TRIP12: variants seen among roughly 807,000 people sequenced by gnomAD.
The protein encoded by TRIP12 is thyroid hormone receptor interactor 12.
Under a neutral mutation model 244.2 loss-of-function variants are expected in TRIP12, and 25 were observed. That is an observed-to-expected ratio of 0.10 (90% confidence interval 0.07 to 0.14). The LOEUF (loss-of-function observed/expected upper bound fraction) is 0.14. Ranked by LOEUF, TRIP12 falls within the 10% of genes least tolerant of loss-of-function variation. TRIP12 has a pLI of 1.00. For synonymous variants in TRIP12, 905 were observed against 873.1 expected (o/e 1.04, Z -0.64); for missense variants, 1,677 against 2,486.4 (o/e 0.67, Z 6.92).
chr2:229,773,332 C>A (rs2035131555), intron 38 of TRIP12, among the ~76,000 whole-genome samples: 1 of 151,998 alleles, frequency 6.6e-6, no homozygotes, highest in Non-Finnish European at 1.5e-5. Context: ...CCACGGCCAA[C>A]CAAAGTGCTG....
chr2:229,841,360 TGA>T (rs2056388007), intron 4 of TRIP12, among the ~76,000 whole-genome samples: 2 of 152,312 alleles, frequency 1.3e-5, no homozygotes, highest in African/African-American at 2.4e-5. Flanking sequence ...CAATAAGGTA[TGA>T]GAGAATAAAA....
intron 33 of TRIP12, among the ~76,000 whole-genome samples, chr2:229,786,632 T>C (rs2040144452): frequency 7.1e-6 from 1 of 141,518 alleles, no homozygotes; most frequent in Non-Finnish European, 1.5e-5. Context: ...TTGGCCAGGA[T>C]GGTCTCGATC....
chr2:229,821,241 C>A (rs1301352973), intron 8 of TRIP12, among the ~76,000 whole-genome samples: 1 of 152,132 alleles, frequency 6.6e-6, no homozygotes, highest in Non-Finnish European at 1.5e-5. Context: ...ACCAGTTTTA[C>A]CCATTACAGC....
At chr2:229,920,310 C>A (rs1232078730) in intron 1 of TRIP12, among the ~76,000 whole-genome samples, 1 of 152,158 alleles carries the variant, frequency 6.6e-6, no homozygotes, top group Non-Finnish European at 1.5e-5. Context: ...TAAAGTTAAA[C>A]ACATCACTAA....
Position 229,802,294 on chromosome 2 carries a change from A to C in TRIP12, c.3164T>G (p.Leu1055Trp). The C allele has an allele frequency of 1.2e-6, 2 of 1,612,854 alleles. No individual in the cohort carries two copies. Among genetic ancestry groups the C allele is most frequent in the Admixed American group, 1.7e-5 (1 of 59,996 alleles). ...HAAADLGSPSLQHSRDDSLDL... is the reference protein window; with the variant it reads ...HAAADLGSPSWQHSRDDSLDL... ...TAAAGAATCATCCCTGCTGTGCTGC[A>C]AGCTGGGTGATCCCAAGTCAGCTGC... is the stretch of plus-strand genomic sequence containing the variant. The change falls in exon 21 of 42, where the codon TTG becomes TGG. Residue 1055 changes from leucine to tryptophan, a missense_variant. Coordinates refer to ENST00000675903, the MANE Select transcript of TRIP12 (RefSeq NM_001348323.3).
At chr2:229,804,543 C>T (rs1363087434) in intron 18 of TRIP12, among the ~76,000 whole-genome samples, 1 of 152,144 alleles carries the variant, frequency 6.6e-6, no homozygotes, top group Non-Finnish European at 1.5e-5. Context: ...GAAATCCAAT[C>T]CTAACCAACC....
rs556522641 is a variant in TRIP12 at position 229,846,037 on chromosome 2, G to C, written c.1028-5110C>G. Among the ~76,000 whole-genome samples the C allele has an allele frequency of 1.6e-4, 24 of 151,654 alleles. No homozygotes were observed. In the South Asian group the frequency reaches 3.3e-3, roughly 21 times the overall value. On this transcript the variant is annotated intron_variant, in intron 4 of 41. Coordinates refer to ENST00000675903, the MANE Select transcript of TRIP12 (RefSeq NM_001348323.3). ...TTCAAAAAAAAAAAAAAAAAGGTGGGGGGGGCAGGTAGTTTTTGTCTTGAG... is the reference window on the plus strand; with the variant it reads ...TTCAAAAAAAAAAAAAAAAAGGTGGCGGGGGCAGGTAGTTTTTGTCTTGAG...
At chr2:229,912,725 T>C (rs2074553879) in intron 1 of TRIP12, among the ~76,000 whole-genome samples, 1 of 152,260 alleles carries the variant, frequency 6.6e-6, no homozygotes, top group Non-Finnish European at 1.5e-5. Flanking sequence ...TGTTGTGTGC[T>C]GTAGTCGTAA....
chr2:229,909,769 CA>C (rs2154376416), intron 1 of TRIP12, among the ~76,000 whole-genome samples: 1 of 152,118 alleles, frequency 6.6e-6, no homozygotes, highest in South Asian at 2.1e-4. Context: ...AGGAGGATCA[CA>C]AGATCCAAGG....
chr2:229,773,264 T>C (rs1423776638), intron 38 of TRIP12, among the ~76,000 whole-genome samples: 1 of 151,818 alleles, frequency 6.6e-6, no homozygotes, highest in Non-Finnish European at 1.5e-5. Flanking sequence ...TTAGTAGAGA[T>C]GGGGTTTCAC....
At chr2:229,827,353 T>TAA (rs2154295675) in intron 8 of TRIP12, among the ~76,000 whole-genome samples, 1 of 152,236 alleles carries the variant, frequency 6.6e-6, no homozygotes, top group East Asian at 1.9e-4. Context: ...AAACTTTTGT[T>TAA]AACTATTTTG....
In TRIP12 at chr2:229,810,958, T is replaced by A; in HGVS notation, c.2143A>T (p.Met715Leu). 1 of 1,614,064 alleles carries A rather than the reference T, an allele frequency of 6.2e-7. No individual in the cohort carries two copies. Among genetic ancestry groups the A allele is most frequent in the South Asian group, 1.1e-5 (1 of 91,078 alleles). The part of the protein sequence containing the change: ...VVTPPILSSG[M>L]FIMVVRMFSL... ...AACATGCGAACCACCATTATAAACA[T>A]CCCAGAACTTAAAATGGGTGGAGTC... The change falls in exon 15 of 42, where the codon ATG becomes TTG. Residue 715 changes from methionine to leucine, a missense_variant. By Grantham distance (15) the Met-to-Leu change is conservative. Transcript: ENST00000675903.
Position 229,807,727 on chromosome 2 carries a change from A to T in TRIP12, c.2477T>A (p.Ile826Asn). The change falls in exon 17 of 42, where the codon ATT becomes AAT. Residue 826 changes from isoleucine (I) to asparagine (N), a missense_variant. By Grantham distance (149) the Ile-to-Asn change is moderately radical. Coordinates refer to ENST00000675903, the MANE Select transcript of TRIP12 (RefSeq NM_001348323.3). ...TACTACCTCAATGATCCGGCTGTCA[A>T]TCCTGTTATATGGATGCCAGAGGCC... The part of the protein sequence containing the change: ...DRGLWHPYNR[I>N]DSRIIEAAHQ... 6.2e-7 allele frequency: 1 copy of T among 1,614,134 alleles called. No homozygotes were observed. Among genetic ancestry groups the T allele is most frequent in the Non-Finnish European group, 8.5e-7 (1 of 1,180,036 alleles).
chr2:229,889,862 C>T (rs2066908100), intron 1 of TRIP12, among the ~76,000 whole-genome samples: 1 of 152,084 alleles, frequency 6.6e-6, no homozygotes, highest in African/African-American at 2.4e-5. Flanking sequence ...CAGACAGAAA[C>T]CTCCTGGCTA....
chr2:229,906,920 T>C (rs1161106702), intron 1 of TRIP12, among the ~76,000 whole-genome samples: 1 of 152,106 alleles, frequency 6.6e-6, no homozygotes, highest in East Asian at 1.9e-4. Context: ...CTTATTTATT[T>C]GAAACTGTAA....
chr2:229,803,600 T>G lies in TRIP12; in HGVS notation c.2969A>C (p.Asp990Ala). 1 of 1,612,156 alleles carries G rather than the reference T, an allele frequency of 6.2e-7. No homozygotes were observed. The highest frequency in any genetic ancestry group is 8.5e-7 in the Non-Finnish European group (1 of 1,178,766). Residue 990 changes from aspartate (D) to alanine (A), a missense_variant, in exon 20 of 42, where the codon GAT (aspartate) becomes GCT (alanine). Transcript: ENST00000675903. ...MAEILMQKLP[D>A]IFSVYFRREG... ...TCTTCTGAAGTAAACACTAAAAATA[T>G]CAGGTAACTTCTGCATTAAAATTTC...
In TRIP12 at chr2:229,765,414, A is replaced by G. The variant is rs897827993; in HGVS notation, c.*2140T>C. On this transcript the variant is annotated 3_prime_UTR_variant, in exon 42 of 42. Coordinates refer to ENST00000675903, the MANE Select transcript of TRIP12 (RefSeq NM_001348323.3). ...TTAAGAGTTTTCCTGCCCCAAATTA[A>G]CCAAAGGTCCCGTGTATTGAAGGAG... The G allele has an allele frequency of 6.6e-6, 1 of 152,176 alleles. No individual in the cohort carries two copies. Among genetic ancestry groups the G allele is most frequent in the Non-Finnish European group, 1.5e-5 (1 of 68,032 alleles). The allele number at this position is 152,176 out of a possible 1,614,324, so 9.4% of individuals were successfully genotyped here. A position where few individuals can be genotyped will look rare whatever the true frequency, so the allele number is the denominator to read the frequency against.
chr2:229,880,188 A>T, intron 1 of TRIP12, 60 bp from the exon 2 acceptor site: 1 of 1,061,802 alleles, frequency 9.4e-7, no homozygotes, highest in Non-Finnish European at 1.4e-6. Flanking sequence ...ATGGAAAAGA[A>T]ATGAGGGGAA....
intron 37 of TRIP12, among the ~76,000 whole-genome samples, chr2:229,775,670 AAATT>A (rs749054500): frequency 3.4e-4 from 51 of 151,268 alleles, no homozygotes; most frequent in Admixed American, 9.2e-4. Context: ...AAACTAACGT[AAATT>A]CCCTTTAAAC....
Sources: allele counts gnomAD v4.1 joint callset (sites outside exome capture counted in the v4.1 genomes callset), GRCh38; gene constraint gnomAD v4.1.1; transcripts MANE v1.5; gene names NCBI Gene and HGNC (gene_info 2026-07-23, HGNC 2026-07-21).